The following GINS3 variants were observed in gnomAD, a reference collection of about 807,000 sequenced individuals.
GINS3 encodes the protein GINS complex subunit 3, also known as DNA replication complex GINS protein PSF3.
Under a neutral mutation model 20.0 loss-of-function variants are expected in GINS3, and 18 were observed. The observed-to-expected ratio is 0.90, with a 90% CI of 0.62 to 1.33. The LOEUF is 1.33. GINS3 is among the 40% of genes most tolerant of loss of function. GINS3 has a pLI of 0.00. For missense variants in GINS3, 254 were observed against 273.6 expected, an observed-to-expected ratio of 0.93 and a Z score of 0.51; for synonymous variants, 109 against 107.0, an observed-to-expected ratio of 1.02 and a Z score of -0.12.
chr16:58,398,151 C>G (rs1363341886), intron 1 of GINS3, among the ~76,000 whole-genome samples: 4 of 152,092 alleles, frequency 2.6e-5, no homozygotes, highest in Non-Finnish European at 5.9e-5. Context: ...CACACACACA[C>G]AGATACACAT....
intron 1 of GINS3, among the ~76,000 whole-genome samples, chr16:58,396,114 G>A (rs1385805576): frequency 7.2e-6 from 1 of 139,738 alleles, no homozygotes; most frequent in East Asian, 2.3e-4. Context: ...CCTCCCGGAC[G>A]GGGCGGCTGG....
intron 1 of GINS3, 136 bp downstream of exon 1, chr16:58,392,923 C>T: frequency 1.1e-6 from 1 of 948,564 alleles, no homozygotes; most frequent in South Asian, 1.8e-5. Flanking sequence ...AAGGCGCTAA[C>T]GACTTCTCGG....
chr16:58,394,705 A>G (rs1411835158), intron 1 of GINS3, among the ~76,000 whole-genome samples: 1 of 152,168 alleles, frequency 6.6e-6, no homozygotes, highest in East Asian at 1.9e-4. Flanking sequence ...TATCAGCTTT[A>G]GGGAGGAAGA....
At chr16:58,396,590 A>C (rs1273012327) in intron 1 of GINS3, among the ~76,000 whole-genome samples, 2 of 27,860 alleles carry the variant, frequency 7.2e-5, no homozygotes, top group Admixed American at 3.0e-4. Flanking sequence ...TCCCTCCCGG[A>C]CGGGGCGGCT....
At chr16:58,397,571 G>A (rs982178353) in intron 1 of GINS3, among the ~76,000 whole-genome samples, 2 of 152,190 alleles carry the variant, frequency 1.3e-5, no homozygotes, top group Non-Finnish European at 2.9e-5. Flanking sequence ...TCGGGAGGCT[G>A]AGGCTGGCGG....
chr16:58,399,185 ATGCCTATAGTCCCACC>A (rs1965921642), intron 1 of GINS3, among the ~76,000 whole-genome samples: 1 of 151,824 alleles, frequency 6.6e-6, no homozygotes, highest in African/African-American at 2.4e-5. Flanking sequence ...GTGGTGGCAC[ATGCCTATAGTCCCACC>A]TACTCAGGAG....
In GINS3 at chr16:58,395,321, GTA is replaced by G. The variant is rs1340654029; in HGVS notation, c.186+2550_186+2551del. The G allele has an allele frequency of 4.1e-3, 608 of 146,896 alleles. 2 individuals carry two copies. Among genetic ancestry groups the G allele is most frequent in the African/African-American group, 0.012 (288 of 24,316 alleles). The allele number at this position is 146,896 out of a possible 1,614,324, so 9.1% of individuals were successfully genotyped here. The stretch of plus-strand genomic sequence containing the variant: ...CATTTGAAATTCTTCTGTAATATTT[GTA>G]TATATATATATATATTTTTTTTTTA... On this transcript the variant is annotated intron_variant, in intron 1 of 2. Coordinates refer to ENST00000318129, the MANE Select transcript of GINS3 (RefSeq NM_022770.4).
Position 58,404,764 on chromosome 16 carries a change from G to C in GINS3, c.*35G>C. The stretch of plus-strand genomic sequence containing the variant: ...GAACACAGAATGGCTCCTCACAGAC[G>C]TATCCCTCCGTGTGTCCTTGATAGG... On this transcript the variant is annotated 3_prime_UTR_variant, in exon 3 of 3. Transcript: ENST00000318129. 1 of 1,449,950 alleles carries C rather than the reference G, an allele frequency of 6.9e-7. No individual in the cohort carries two copies. Among genetic ancestry groups the C allele is most frequent in the Non-Finnish European group, 9.6e-7 (1 of 1,039,996 alleles). 89.8% of individuals were successfully genotyped at this position (1,449,950 alleles called of 1,614,324 possible).
intron 1 of GINS3, among the ~76,000 whole-genome samples, chr16:58,395,887 C>T (rs1197893640): frequency 5.9e-5 from 9 of 151,966 alleles, no homozygotes; most frequent in Non-Finnish European, 1.2e-4. Flanking sequence ...AGAGGGGCTC[C>T]TCACTTCCCA....
chr16:58,403,290 G>C lies in GINS3; in HGVS notation c.379G>C (p.Asp127His), dbSNP rs762306206. ...GTTTGGCTCCCAGCTCCTGCATTTTGACAGTCCCGAGAATGCAGACATTTC... is the reference window on the plus strand; with the variant it reads ...GTTTGGCTCCCAGCTCCTGCATTTTCACAGTCCCGAGAATGCAGACATTTC... ...YGFGSQLLHFDSPENADISQS... is the reference protein window; with the variant it reads ...YGFGSQLLHFHSPENADISQS... The change falls in exon 2 of 3, where the codon GAC (aspartate) becomes CAC (histidine). Residue 127 changes from aspartate (D) to histidine (H), a missense_variant. By Grantham distance (81) the Asp-to-His change is moderately conservative. Transcript: ENST00000318129. 6.2e-7 allele frequency: 1 copy of C among 1,614,072 alleles called. No homozygotes were observed. The highest frequency in any genetic ancestry group is 8.5e-7 in the Non-Finnish European group (1 of 1,180,022).
Position 58,402,699 on chromosome 16 carries a change from G to A in GINS3, c.187-399G>A, listed in dbSNP as rs139451444. On this transcript the variant is annotated intron_variant, in intron 1 of 2. Transcript: ENST00000318129. The stretch of plus-strand genomic sequence containing the variant: ...ATCTTATTTTTCTTTCTGACCCCTA[G>A]CATCCAATAGGGTGCTCAGTACATA... 7.0e-3 allele frequency among the ~76,000 whole-genome samples: 1,060 copies of A among 152,200 alleles called. 15 individuals are homozygous for A. Among genetic ancestry groups the A allele is most frequent in the African/African-American group, 0.024 (1,013 of 41,534 alleles).
Position 58,404,551 on chromosome 16 carries a change from A to G in GINS3, c.473A>G (p.Asn158Ser), listed in dbSNP as rs757649986. ...RIMDSSQNAY[N>S]EDTSALVARL... ...ATGGACTCCTCACAGAATGCTTACA[A>G]CGAAGACACTTCAGCCCTGGTAGCC... Residue 158 changes from asparagine (N) to serine (S), a missense_variant, in exon 3 of 3, where the codon AAC (asparagine) becomes AGC (serine). Transcript: ENST00000318129. 3 of 1,614,176 alleles carry G rather than the reference A, an allele frequency of 1.9e-6. No homozygotes were observed. The Admixed American group carries it at 5.0e-5, about 27-fold the overall frequency.
chr16:58,396,860 C>G (rs1226148200), intron 1 of GINS3, among the ~76,000 whole-genome samples: 5 of 144,508 alleles, frequency 3.5e-5, no homozygotes, highest in Admixed American at 3.3e-4. Flanking sequence ...CCCCTCACCT[C>G]CCGGACGGGG....
intron 1 of GINS3, among the ~76,000 whole-genome samples, chr16:58,398,070 G>A (rs1965907458): frequency 6.6e-6 from 1 of 151,608 alleles, no homozygotes; most frequent in Non-Finnish European, 1.5e-5. Context: ...TTGTACCTTT[G>A]TTTTTTAGGT....
At position 58,405,197 on chromosome 16, in the gene GINS3, C is replaced by G. The variant is rs1211668739; in HGVS notation, c.*468C>G. The G allele has an allele frequency of 6.5e-6, 1 of 154,872 alleles. No homozygotes were observed. The allele number at this position is 154,872 out of a possible 1,614,324, so 9.6% of individuals were successfully genotyped here. ...CTCATGGTTGTACAGAGGATAGCACCCCACCATGCCAGCCTGACTTGGAGA... is the reference window on the plus strand; with the variant it reads ...CTCATGGTTGTACAGAGGATAGCACGCCACCATGCCAGCCTGACTTGGAGA... On this transcript the variant is annotated 3_prime_UTR_variant, in exon 3 of 3. Coordinates refer to ENST00000318129, the MANE Select transcript of GINS3 (RefSeq NM_022770.4).
chr16:58,400,298 T>G (rs1965938099), intron 1 of GINS3, among the ~76,000 whole-genome samples: 1 of 152,266 alleles, frequency 6.6e-6, no homozygotes, highest in African/African-American at 2.4e-5. Context: ...CCTCTCCTAG[T>G]GGAGTCACAC....
At chr16:58,396,364 G>T (rs1295579400) in intron 1 of GINS3, among the ~76,000 whole-genome samples, 1 of 122,424 alleles carries the variant, frequency 8.2e-6, no homozygotes. Context: ...CTCACCTCCC[G>T]GATGGGGCGG....
At chr16:58,392,812 G>C in intron 1 of GINS3, 25 bp downstream of exon 1, 2 of 1,563,204 alleles carry the variant, frequency 1.3e-6, no homozygotes, top group African/African-American at 1.4e-5. Flanking sequence ...GCGGGGTCCT[G>C]CCCGGAAAGA....
chr16:58,394,694 T>C (rs954961372), intron 1 of GINS3, among the ~76,000 whole-genome samples: 16 of 152,182 alleles, frequency 1.1e-4, no homozygotes, highest in African/African-American at 3.1e-4. Context: ...TTAGACTTGA[T>C]TATCAGCTTT....
Sources: gnomAD v4.1 joint callset for allele counts (sites outside exome capture counted in the v4.1 genomes callset) on GRCh38, gnomAD v4.1.1 for gene constraint, MANE v1.5 for transcripts, NCBI Gene and HGNC (gene_info 2026-07-23, HGNC 2026-07-21) for gene names.